The following ZBTB18 variants were observed in gnomAD, a reference collection of about 807,000 sequenced individuals.
ZBTB18 encodes the protein zinc finger and BTB domain-containing protein 18.
Under a neutral mutation model 37.7 loss-of-function variants are expected in ZBTB18, and 2 were observed. The ratio of observed to expected loss-of-function variants is 0.05; its 90% CI spans 0.02 to 0.17. The LOEUF is 0.17. Ranked by LOEUF, ZBTB18 falls within the 10% of genes least tolerant of loss-of-function variation. ZBTB18 has a pLI of 1.00. For synonymous variants in ZBTB18, 304 were observed against 276.5 expected, an observed-to-expected ratio of 1.10 and a Z score of -0.99; for missense variants, 408 against 686.3, an observed-to-expected ratio of 0.59 and a Z score of 4.53.
chr1:244,050,980 A>C (rs1698337977), upstream of ZBTB18, among the ~76,000 whole-genome samples: 1 of 152,260 alleles, frequency 6.6e-6, no homozygotes, highest in Non-Finnish European at 1.5e-5. Flanking sequence ...TATGTAAGCC[A>C]GTCCACCAAC....
Position 244,053,634 on chromosome 1 carries a change from C to T in ZBTB18, c.14-154C>T, listed in dbSNP as rs1486720636. 51 of 693,822 alleles carry T rather than the reference C, an allele frequency of 7.4e-5. No homozygotes were observed. Among genetic ancestry groups the T allele is most frequent in the Admixed American group, 1.9e-4 (3 of 15,912 alleles). 43.0% of individuals were successfully genotyped at this position (693,822 alleles called of 1,614,324 possible). The stretch of plus-strand genomic sequence containing the variant: ...TTCCTTCTGGCATTTAGGTCTTGTC[C>T]GTGTGATTTGGTGGTGCTTGGGTCA... On this transcript the variant is annotated intron_variant, in intron 1 of 1. Coordinates refer to ENST00000358704, the MANE Select transcript of ZBTB18 (RefSeq NM_205768.3). This position sits in a 1 kb window ranked among gnomAD's most constrained non-coding sequence, Gnocchi z 5.2.
chr1:244,053,539 G>T lies in ZBTB18; in HGVS notation c.14-249G>T, dbSNP rs1558148684. Reference sequence around the variant, plus strand: ...AGTTAAAGGAAGGCTTTTAGAACTTGGGTTCAAGGAAGATGGAGATGCGTC... The same window carrying T: ...AGTTAAAGGAAGGCTTTTAGAACTTTGGTTCAAGGAAGATGGAGATGCGTC... On this transcript the variant is annotated intron_variant, in intron 1 of 1. Transcript: ENST00000358704. This position sits in a 1 kb window ranked among gnomAD's most constrained non-coding sequence, Gnocchi z 5.2. Among the ~76,000 whole-genome samples the T allele has an allele frequency of 1.3e-5, 2 of 152,156 alleles. No individual in the cohort carries two copies. The highest frequency in any genetic ancestry group is 4.8e-5 in the African/African-American group (2 of 41,412).
rs185811018 is a variant in ZBTB18 at position 244,057,107 on chromosome 1, C to G, written c.*1737C>G. On this transcript the variant is annotated 3_prime_UTR_variant, in exon 2 of 2. Transcript: ENST00000358704. Reference sequence around the variant, plus strand: ...ATGGCATTTAAAGCAAACAAACAAACAAAAAAAGCTGTGAAAATGGCCTTG... The same window carrying G: ...ATGGCATTTAAAGCAAACAAACAAAGAAAAAAAGCTGTGAAAATGGCCTTG... The G allele has an allele frequency of 2.4e-5, 4 of 166,620 alleles. No homozygotes were observed. Among genetic ancestry groups the G allele is most frequent in the Middle Eastern group, 3.4e-3 (1 of 296 alleles). The allele number at this position is 166,620 out of a possible 1,614,324, so 10.3% of individuals were successfully genotyped here. A position where few individuals can be genotyped will look rare whatever the true frequency, so the allele number is the denominator to read the frequency against.
In ZBTB18 at chr1:244,054,998, C is replaced by T; in HGVS notation, c.1224C>T (p.Ile408=). 1 of 1,614,120 alleles carries T rather than the reference C, an allele frequency of 6.2e-7. No individual in the cohort carries two copies. Among genetic ancestry groups the T allele is most frequent in the South Asian group, 1.1e-5 (1 of 91,088 alleles). Reference sequence around the variant, plus strand: ...CGCACTTCCGCGAGCAGGACGGCATCCGCAGCAAGCCCGCCGCCGATGTCA... The same window carrying T: ...CGCACTTCCGCGAGCAGGACGGCATTCGCAGCAAGCCCGCCGCCGATGTCA... ...LSTHFREQDG[I]RSKPAADVNV... is the part of the protein sequence containing the mutation. The change falls in exon 2 of 2, where the codon ATC becomes ATT. Residue 408 remains isoleucine, a synonymous_variant. Coordinates refer to ENST00000358704, the MANE Select transcript of ZBTB18 (RefSeq NM_205768.3). The surrounding 1 kb of genome is among the most constrained non-coding windows in gnomAD (Gnocchi z 9.0).
intron 1 of ZBTB18, among the ~76,000 whole-genome samples, chr1:244,052,685 A>T (rs1030506667): frequency 6.6e-6 from 1 of 152,156 alleles, no homozygotes; most frequent in Non-Finnish European, 1.5e-5. Context: ...AAGGGCAATG[A>T]TGAATATTTG....
upstream of ZBTB18, chr1:244,048,937 A>AGGAGGAGGC (rs1558146985): frequency 1.3e-5 from 2 of 157,890 alleles, no homozygotes; most frequent in African/African-American, 2.5e-5. Context: ...GAGGAGGAGG[A>AGGAGGAGGC]GGAGGAGGCG....
At chr1:244,051,528 A>G in intron 1 of ZBTB18, 84 bp downstream of exon 1, 1 of 1,527,278 alleles carries the variant, frequency 6.5e-7, no homozygotes. Flanking sequence ...TTACTTTTCT[A>G]ACCCAGTTTA....
chr1:244,049,790 A>G (rs371183445), upstream of ZBTB18, among the ~76,000 whole-genome samples: 31 of 151,864 alleles, frequency 2.0e-4, no homozygotes, highest in East Asian at 1.2e-3. Context: ...GAAAAACAAA[A>G]CCCCAACCTC....
In ZBTB18 at chr1:244,053,917, G is replaced by A; in HGVS notation, c.143G>A (p.Arg48Gln). The A allele has an allele frequency of 6.2e-7, 1 of 1,614,126 alleles. No individual in the cohort carries two copies. The highest frequency in any genetic ancestry group is 8.5e-7 in the Non-Finnish European group (1 of 1,180,036). The change falls in exon 2 of 2, where the codon CGA becomes CAA. Residue 48 changes from arginine to glutamine, a missense_variant. Arg to Gln is a conservative substitution (Grantham distance 43, BLOSUM62 1). Around this residue, in one of 4 missense-constraint regions of ZBTB18, gnomAD observed 95 missense variants for 218.7 expected, o/e 0.43. Transcript: ENST00000358704. This position sits in a 1 kb window ranked among gnomAD's most constrained non-coding sequence, Gnocchi z 5.2. Reference sequence around the variant, plus strand: ...GGAGATGCCCAGTTCCGAGCGCACCGAGCTGTACTGGCTTCATGCAGCATG... The same window carrying A: ...GGAGATGCCCAGTTCCGAGCGCACCAAGCTGTACTGGCTTCATGCAGCATG... Reference protein sequence around the residue: ...LVGDAQFRAHRAVLASCSMYF... With the variant: ...LVGDAQFRAHQAVLASCSMYF...
Position 244,053,650 on chromosome 1 carries a change from G to A in ZBTB18, c.14-138G>A, listed in dbSNP as rs1698395994. On this transcript the variant is annotated intron_variant, in intron 1 of 1. Transcript: ENST00000358704. This position sits in a 1 kb window ranked among gnomAD's most constrained non-coding sequence, Gnocchi z 5.2. Reference sequence around the variant, plus strand: ...GGTCTTGTCCGTGTGATTTGGTGGTGCTTGGGTCATAAGCCTGATTAAAAT... The same window carrying A: ...GGTCTTGTCCGTGTGATTTGGTGGTACTTGGGTCATAAGCCTGATTAAAAT... 2 of 1,298,894 alleles carry A rather than the reference G, an allele frequency of 1.5e-6. No homozygotes were observed. The highest frequency in any genetic ancestry group is 2.5e-5 in the East Asian group (1 of 40,300). The allele number at this position is 1,298,894 out of a possible 1,614,324, so 80.5% of individuals were successfully genotyped here. A position where few individuals can be genotyped will look rare whatever the true frequency, so the allele number is the denominator to read the frequency against.
chr1:244,051,531 C>T lies in ZBTB18; in HGVS notation c.13+87C>T, dbSNP rs186398685. 8.0e-6 allele frequency: 12 copies of T among 1,493,774 alleles called. No individual in the cohort carries two copies. The East Asian group carries it at 9.1e-5, about 11-fold the overall frequency. The allele number at this position is 1,493,774 out of a possible 1,614,324, so 92.5% of individuals were successfully genotyped here. ...TTAAAAATCACATTACTTTTCTAACCCAGTTTAGGAATAATATATGAAATT... is the reference window on the plus strand; with the variant it reads ...TTAAAAATCACATTACTTTTCTAACTCAGTTTAGGAATAATATATGAAATT... On this transcript the variant is annotated intron_variant, in intron 1 of 1. Transcript: ENST00000358704.
rs201294296 is a variant in ZBTB18 at position 244,055,016 on chromosome 1, C to T, written c.1242C>T (p.Ala414=). Residue 414 remains alanine (A), a synonymous_variant, in exon 2 of 2, where the codon GCC becomes GCT. Coordinates refer to ENST00000358704, the MANE Select transcript of ZBTB18 (RefSeq NM_205768.3). The surrounding 1 kb of genome is among the most constrained non-coding windows in gnomAD (Gnocchi z 7.0). ...ACGGCATCCGCAGCAAGCCCGCCGC[C>T]GATGTCAACGTGCCCACGTGCTCGC... ...EQDGIRSKPA[A]DVNVPTCSLC... The T allele has an allele frequency of 3.7e-5, 60 of 1,614,062 alleles. No individual in the cohort carries two copies. The Middle Eastern group carries it at 4.9e-4, about 13-fold the overall frequency.
chr1:244,054,846 G>A lies in ZBTB18; in HGVS notation c.1072G>A (p.Gly358Arg), dbSNP rs778779919. ...TPESERVQVE[G>R]GMESSLLPYV... ...AGAGAGCGAGCGTGTCCAGGTGGAG[G>A]GAGGCATGGAGAGCAGTCTGCTCCC... is the stretch of plus-strand genomic sequence containing the variant. Residue 358 changes from glycine (G) to arginine (R), a missense_variant, in exon 2 of 2, where the codon GGA becomes AGA. This residue lies in a region of ZBTB18 where 266 missense variants were observed against 312.0 expected (regional missense o/e 0.85). Coordinates refer to ENST00000358704, the MANE Select transcript of ZBTB18 (RefSeq NM_205768.3). This position sits in a 1 kb window ranked among gnomAD's most constrained non-coding sequence, Gnocchi z 9.0. 6.2e-7 allele frequency: 1 copy of A among 1,614,136 alleles called. No individual in the cohort carries two copies. The highest frequency in any genetic ancestry group is 1.1e-5 in the South Asian group (1 of 91,078).
At chr1:244,051,904 A>G (rs2148554287) in intron 1 of ZBTB18, among the ~76,000 whole-genome samples, 1 of 152,296 alleles carries the variant, frequency 6.6e-6, no homozygotes, top group South Asian at 2.1e-4. Flanking sequence ...GAGCAGCACT[A>G]CTGAAACATA....
chr1:244,054,660 A>G lies in ZBTB18; in HGVS notation c.886A>G (p.Thr296Ala). Residue 296 changes from threonine to alanine, a missense_variant, in exon 2 of 2, where the codon ACT becomes GCT. By Grantham distance (58) the Thr-to-Ala change is moderately conservative. Coordinates refer to ENST00000358704, the MANE Select transcript of ZBTB18 (RefSeq NM_205768.3). The surrounding 1 kb of genome is among the most constrained non-coding windows in gnomAD (Gnocchi z 9.0). ...EASCDESDVG[T>A]NDYDMEHSTV... ...TTCCTGTGATGAGAGTGATGTTGGC[A>G]CTAATGACTATGACATGGAACATAG... The G allele has an allele frequency of 6.2e-7, 1 of 1,614,222 alleles. No individual in the cohort carries two copies.
At chr1:244,051,468 T>C (rs779323556) in intron 1 of ZBTB18, 24 bp downstream of exon 1, 3 of 1,613,616 alleles carry the variant, frequency 1.9e-6, no homozygotes, top group Non-Finnish European at 8.5e-7. Flanking sequence ...GAGATTAGAT[T>C]GAGCATATTT....
rs1443064765 is a variant in ZBTB18 at position 244,054,749 on chromosome 1, C to T, written c.975C>T (p.Pro325=). 4 of 1,614,142 alleles carry T rather than the reference C, an allele frequency of 2.5e-6. No individual in the cohort carries two copies. In the East Asian group the frequency reaches 6.7e-5, roughly 27 times the overall value. ...RVQYEPAHLA[P]LREDSVLREL... is the part of the protein sequence containing the mutation. ...AGTATGAGCCGGCCCATCTGGCTCCCCTGAGGGAGGACTCGGTCTTGAGGG... is the reference window on the plus strand; with the variant it reads ...AGTATGAGCCGGCCCATCTGGCTCCTCTGAGGGAGGACTCGGTCTTGAGGG... Residue 325 remains proline, a synonymous_variant, in exon 2 of 2, where the codon CCC becomes CCT. Transcript: ENST00000358704. This position sits in a 1 kb window ranked among gnomAD's most constrained non-coding sequence, Gnocchi z 9.0.
upstream of ZBTB18, among the ~76,000 whole-genome samples, chr1:244,050,314 C>T (rs1572527999): frequency 1.3e-5 from 2 of 152,164 alleles, no homozygotes; most frequent in Admixed American, 1.3e-4. Context: ...CAGCCCGGGT[C>T]GCGTTACAGT....
rs1698433623 is a variant in ZBTB18 at position 244,055,033 on chromosome 1, C to T, written c.1259C>T (p.Thr420Met). 1.2e-6 allele frequency: 2 copies of T among 1,614,202 alleles called. No individual in the cohort carries two copies. The highest frequency in any genetic ancestry group is 1.7e-6 in the Non-Finnish European group (2 of 1,180,046). Residue 420 changes from threonine (T) to methionine (M), a missense_variant, in exon 2 of 2, where the codon ACG (threonine) becomes ATG (methionine). Around this residue, in one of 4 missense-constraint regions of ZBTB18, gnomAD observed 25 missense variants for 117.3 expected, o/e 0.21. Coordinates refer to ENST00000358704, the MANE Select transcript of ZBTB18 (RefSeq NM_205768.3). This position sits in a 1 kb window ranked among gnomAD's most constrained non-coding sequence, Gnocchi z 7.0. ...SKPAADVNVPTCSLCGKTFSC... is the reference protein window; with the variant it reads ...SKPAADVNVPMCSLCGKTFSC... ...CCCGCCGCCGATGTCAACGTGCCCACGTGCTCGCTGTGTGGGAAGACTTTC... is the reference window on the plus strand; with the variant it reads ...CCCGCCGCCGATGTCAACGTGCCCATGTGCTCGCTGTGTGGGAAGACTTTC...
Sources: gnomAD v4.1 joint callset for allele counts (sites outside exome capture counted in the v4.1 genomes callset) on GRCh38, gnomAD v4.1.1 for gene constraint, gnomAD v4.1.1 regional missense constraint, Gnocchi (gnomAD v3.1) non-coding constraint, MANE v1.5 for transcripts, NCBI Gene and HGNC (gene_info 2026-07-23, HGNC 2026-07-21) for gene names.